Variants in LHCGR observed in about 807,000 individuals in gnomAD.
The protein encoded by LHCGR is luteinizing hormone/choriogonadotropin receptor.
LHCGR carries 55 observed loss-of-function variants against 60.7 expected under a neutral mutation model. The ratio of observed to expected loss-of-function variants is 0.91; its 90% CI spans 0.73 to 1.13. The LOEUF is 1.13. LHCGR is among the 50% of genes most tolerant of loss of function. LHCGR has a pLI of 0.00. For missense variants in LHCGR, 862 were observed against 836.0 expected (o/e 1.03, Z -0.38); for synonymous variants, 337 against 316.5 (o/e 1.06, Z -0.69).
chr2:48,737,289 A>G (rs1054538201), intron 1 of LHCGR, among the ~76,000 whole-genome samples: 1 of 152,228 alleles, frequency 6.6e-6, no homozygotes, highest in African/African-American at 2.4e-5. Context: ...TATATCCTGA[A>G]TTCTAAAACA....
intron 1 of LHCGR, among the ~76,000 whole-genome samples, chr2:48,748,219 C>A (rs1669797997): frequency 6.6e-6 from 1 of 152,126 alleles, no homozygotes; most frequent in Non-Finnish European, 1.5e-5. Context: ...ACTATAAGCT[C>A]CTGGAGGGCA....
At chr2:48,705,421 C>T (rs1667615096) in intron 8 of LHCGR, among the ~76,000 whole-genome samples, 1 of 152,162 alleles carries the variant, frequency 6.6e-6, no homozygotes, top group Admixed American at 6.6e-5. Context: ...TGGTCCATAG[C>T]TGAGTTCAAG....
rs1172533536 is a variant in LHCGR at position 48,688,192 on chromosome 2, A to G, written c.1605T>C (p.Asn535=). The G allele has an allele frequency of 1.2e-6, 2 of 1,614,180 alleles. No individual in the cohort carries two copies. ...CACAAATTATGAAGAAGGCCACCAC[A>G]TTGAGAATCAGGATGGTTAATATAT... The part of the protein sequence containing the change: ...QVYILTILIL[N]VVAFFIICAC... The change falls in exon 11 of 11, where the codon AAT becomes AAC. Residue 535 remains asparagine (N), a synonymous_variant. Coordinates refer to ENST00000294954, the MANE Select transcript of LHCGR (RefSeq NM_000233.4). This position sits in a 1 kb window ranked among gnomAD's most constrained non-coding sequence, Gnocchi z 5.2.
At chr2:48,695,875 T>G (rs1199452870) in intron 9 of LHCGR, among the ~76,000 whole-genome samples, 2 of 152,172 alleles carry the variant, frequency 1.3e-5, no homozygotes, top group African/African-American at 4.8e-5. Context: ...GAACAGGCAC[T>G]GCAGAATACT....
intron 6 of LHCGR, among the ~76,000 whole-genome samples, chr2:48,718,758 G>T (rs1668370816): frequency 6.6e-6 from 1 of 152,132 alleles, no homozygotes; most frequent in African/African-American, 2.4e-5. Flanking sequence ...TTCTCTAGTG[G>T]ATGTGCCGGC....
chr2:48,692,909 A>G (rs983927309), intron 10 of LHCGR, among the ~76,000 whole-genome samples: 1 of 152,124 alleles, frequency 6.6e-6, no homozygotes, highest in Non-Finnish European at 1.5e-5. Flanking sequence ...GATGCTAGAG[A>G]TTAGGGACTT....
At chr2:48,722,766 C>T (rs779900874) in intron 6 of LHCGR, among the ~76,000 whole-genome samples, 3 of 152,140 alleles carry the variant, frequency 2.0e-5, no homozygotes, top group Admixed American at 6.6e-5. Context: ...TTATAAATTA[C>T]CCAGTCTCAG....
chr2:48,712,243 T>C (rs937504382), intron 7 of LHCGR, among the ~76,000 whole-genome samples: 21 of 152,238 alleles, frequency 1.4e-4, no homozygotes, highest in African/African-American at 5.1e-4. Context: ...TAGTAGTCAA[T>C]GTGCAGTTTA....
chr2:48,688,924 A>G lies in LHCGR; in HGVS notation c.948-75T>C, dbSNP rs1202458653. Reference sequence around the variant, plus strand: ...AAAAATTCAAGAATTATGTTTCTTTAAAGGCAAAGAAACAAAAGGAAACAA... The same window carrying G: ...AAAAATTCAAGAATTATGTTTCTTTGAAGGCAAAGAAACAAAAGGAAACAA... On this transcript the variant is annotated intron_variant, in intron 10 of 10. Transcript: ENST00000294954. The surrounding 1 kb of genome is among the most constrained non-coding windows in gnomAD (Gnocchi z 5.2). 1 of 1,359,664 alleles carries G rather than the reference A, an allele frequency of 7.4e-7. No individual in the cohort carries two copies. Among genetic ancestry groups the G allele is most frequent in the South Asian group, 1.2e-5 (1 of 83,618 alleles). The allele number at this position is 1,359,664 out of a possible 1,614,324, so 84.2% of individuals were successfully genotyped here. A position where few individuals can be genotyped will look rare whatever the true frequency, so the allele number is the denominator to read the frequency against.
At chr2:48,737,088 C>G (rs1041640168) in intron 1 of LHCGR, among the ~76,000 whole-genome samples, 2 of 152,206 alleles carry the variant, frequency 1.3e-5, no homozygotes, top group African/African-American at 4.8e-5. Flanking sequence ...TCTGGAGTCT[C>G]CAAAGACTGT....
At chr2:48,751,968 A>G (rs1328160947) in intron 1 of LHCGR, among the ~76,000 whole-genome samples, 1 of 152,246 alleles carries the variant, frequency 6.6e-6, no homozygotes, top group Non-Finnish European at 1.5e-5. Context: ...CTGTTGTCAT[A>G]GAGACAAAGA....
intron 1 of LHCGR, among the ~76,000 whole-genome samples, chr2:48,732,211 A>G (rs1434568095): frequency 2.0e-5 from 3 of 152,226 alleles, no homozygotes; most frequent in Admixed American, 2.0e-4. Flanking sequence ...TTTATTGAGT[A>G]TCTACAATGG....
At chr2:48,734,044 A>T (rs912183236) in intron 1 of LHCGR, among the ~76,000 whole-genome samples, 1 of 152,196 alleles carries the variant, frequency 6.6e-6, no homozygotes, top group South Asian at 2.1e-4. Context: ...ATTGATACTT[A>T]AAGGAATCTT....
chr2:48,692,145 C>A (rs1215802690), intron 10 of LHCGR, among the ~76,000 whole-genome samples: 1 of 152,140 alleles, frequency 6.6e-6, no homozygotes, highest in African/African-American at 2.4e-5. Flanking sequence ...TATAGAGACA[C>A]CGCCCAAGAA....
At chr2:48,732,035 T>A (rs1236811139) in intron 1 of LHCGR, among the ~76,000 whole-genome samples, 1 of 152,210 alleles carries the variant, frequency 6.6e-6, no homozygotes, top group Non-Finnish European at 1.5e-5. Flanking sequence ...AATCTAAATA[T>A]TCTTGAAATT....
Position 48,687,071 on chromosome 2 carries a change from T to C in LHCGR, c.*626A>G, listed in dbSNP as rs1228083388. Reference sequence around the variant, plus strand: ...AAGTAGAATCCAGATAGGGCATAGATAAAAGTCTCTATAATAGAACAGATA... The same window carrying C: ...AAGTAGAATCCAGATAGGGCATAGACAAAAGTCTCTATAATAGAACAGATA... On this transcript the variant is annotated 3_prime_UTR_variant, in exon 11 of 11. Transcript: ENST00000294954. 1 of 152,274 alleles carries C rather than the reference T, an allele frequency of 6.6e-6. No homozygotes were observed. Among genetic ancestry groups the C allele is most frequent in the East Asian group, 1.9e-4 (1 of 5,200 alleles). The allele number at this position is 152,274 out of a possible 1,614,324, so 9.4% of individuals were successfully genotyped here.
chr2:48,697,973 C>T (rs1051203240), intron 9 of LHCGR, among the ~76,000 whole-genome samples: 12 of 152,170 alleles, frequency 7.9e-5, no homozygotes, highest in African/African-American at 2.4e-4. Context: ...CTGTGCATCT[C>T]AGTCAAAAAA....
intron 6 of LHCGR, 95 bp from the exon 7 acceptor site, chr2:48,714,149 T>C (rs1558847331): frequency 1.2e-5 from 10 of 811,140 alleles, no homozygotes; most frequent in Non-Finnish European, 1.9e-5. Context: ...TTACTAAGGT[T>C]ATTACAGGCA....
At chr2:48,740,783 G>A (rs1669412697) in intron 1 of LHCGR, among the ~76,000 whole-genome samples, 2 of 152,314 alleles carry the variant, frequency 1.3e-5, no homozygotes, top group South Asian at 4.1e-4. Flanking sequence ...AAAGCAGAGT[G>A]CCTCTCCTCC....
Sources: gnomAD v4.1 joint callset for allele counts (sites outside exome capture counted in the v4.1 genomes callset) on GRCh38, gnomAD v4.1.1 for gene constraint, Gnocchi (gnomAD v3.1) non-coding constraint, MANE v1.5 for transcripts, NCBI Gene and HGNC (gene_info 2026-07-23, HGNC 2026-07-21) for gene names.